Variants in RPTOR observed in about 807,000 individuals in gnomAD.
The protein encoded by RPTOR is regulatory-associated protein of mTOR.
A neutral mutation model predicts 169.9 loss-of-function variants in RPTOR; 21 were observed. The observed-to-expected ratio is 0.12, with a 90% confidence interval of 0.09 to 0.18. The LOEUF is 0.18. RPTOR is among the 10% of genes least tolerant of loss of function. The probability of loss-of-function intolerance (pLI) is 1.00; values close to 1 mark genes in which losing one functional copy is unlikely to be tolerated. For missense variants in RPTOR, 1,133 were observed against 1,855.9 expected, an observed-to-expected ratio of 0.61 and a Z score of 7.16; for synonymous variants, 732 against 753.2, an observed-to-expected ratio of 0.97 and a Z score of 0.46.
At position 80,837,985 on chromosome 17, in the gene RPTOR, C is replaced by T. The variant is rs1443680611; in HGVS notation, c.1200C>T (p.Gly400=). 2 of 1,609,682 alleles carry T rather than the reference C, an allele frequency of 1.2e-6. No homozygotes were observed. The highest frequency in any genetic ancestry group is 1.7e-6 in the Non-Finnish European group (2 of 1,177,994). Reference sequence around the variant, plus strand: ...AGCTGCCGACGATCATCGAGGAAGGCACTGCGTTTCGGGTGAGTCCCTCCA... The same window carrying T: ...AGCTGCCGACGATCATCGAGGAAGGTACTGCGTTTCGGGTGAGTCCCTCCA... ...LSQLPTIIEE[G]TAFRHSPFFA... is the part of the protein sequence containing the mutation. The change falls in exon 10 of 34, where the codon GGC becomes GGT. Residue 400 remains glycine, a synonymous_variant. Coordinates refer to ENST00000306801, the MANE Select transcript of RPTOR (RefSeq NM_020761.3).
chr17:80,610,912 T>G (rs2065265726), intron 1 of RPTOR, among the ~76,000 whole-genome samples: 2 of 152,234 alleles, frequency 1.3e-5, no homozygotes, highest in African/African-American at 4.8e-5. Context: ...CTTTTCCAAC[T>G]GAATTTTCGA....
intron 13 of RPTOR, among the ~76,000 whole-genome samples, chr17:80,874,834 C>G (rs928252338): frequency 6.6e-6 from 1 of 152,174 alleles, no homozygotes; most frequent in Non-Finnish European, 1.5e-5. Flanking sequence ...AAGGCTCACT[C>G]AGGAGCTGTG....
At chr17:80,868,063 G>T (rs1419757953) in intron 13 of RPTOR, among the ~76,000 whole-genome samples, 3 of 152,180 alleles carry the variant, frequency 2.0e-5, no homozygotes, top group Admixed American at 6.6e-5. Flanking sequence ...TGGACAAACA[G>T]ATAATGGAAC....
chr17:80,919,241 G>T (rs2068716142), intron 21 of RPTOR, among the ~76,000 whole-genome samples: 1 of 152,190 alleles, frequency 6.6e-6, no homozygotes. Flanking sequence ...GCAGGAAAAT[G>T]ACTTGAAGAA....
At chr17:80,802,282 T>G (rs936121388) in intron 7 of RPTOR, 3 of 152,340 alleles carry the variant, frequency 2.0e-5, no homozygotes, top group Non-Finnish European at 2.9e-5. Flanking sequence ...CTCACGGCTC[T>G]GCACCTCCCA....
intron 11 of RPTOR, among the ~76,000 whole-genome samples, chr17:80,853,202 G>A (rs2063787): frequency 0.11 from 16,199 of 152,036 alleles, 909 homozygotes; most frequent in Middle Eastern, 0.13. Flanking sequence ...GCATGCCGTC[G>A]GCGGGGCCTT....
intron 4 of RPTOR, among the ~76,000 whole-genome samples, chr17:80,725,865 A>G (rs776689019): frequency 2.6e-5 from 4 of 152,210 alleles, no homozygotes; most frequent in Non-Finnish European, 5.9e-5. Context: ...ACTGTAATGT[A>G]TACAGCTCAT....
chr17:80,559,522 G>T (rs375654292), intron 1 of RPTOR, among the ~76,000 whole-genome samples: 6 of 152,206 alleles, frequency 3.9e-5, no homozygotes, highest in Non-Finnish European at 8.8e-5. Flanking sequence ...AGCCACGAAC[G>T]TGTGCATTTA....
chr17:80,685,449 C>T (rs1201964593), intron 3 of RPTOR, among the ~76,000 whole-genome samples: 1 of 136,486 alleles, frequency 7.3e-6, no homozygotes, highest in African/African-American at 3.2e-5. Flanking sequence ...CTAATTAAAA[C>T]ATTTTTTTTT....
chr17:80,696,769 C>A (rs571453818), intron 3 of RPTOR, among the ~76,000 whole-genome samples: 1 of 152,330 alleles, frequency 6.6e-6, no homozygotes, highest in Non-Finnish European at 1.5e-5. Context: ...GCCAGCCCCC[C>A]CAAGCACCAA....
At chr17:80,743,319 C>T (rs1476527704) in intron 5 of RPTOR, 1 of 985,548 alleles carries the variant, frequency 1.0e-6, no homozygotes, top group Non-Finnish European at 1.2e-6. Flanking sequence ...GGGCAGGGCG[C>T]TCTTGCAGGT....
In RPTOR at chr17:80,860,900, G is replaced by A. The variant is rs1288825777; in HGVS notation, c.1509+3000G>A. On this transcript the variant is annotated intron_variant, in intron 13 of 33. Transcript: ENST00000306801. The surrounding 1 kb of genome is among the most constrained non-coding windows in gnomAD (Gnocchi z 5.8). ...CTCTCCCAGCTGCTCCTGATTTCCTGAGCTGGATGCGGGGAGCTGCTGCTC... is the reference window on the plus strand; with the variant it reads ...CTCTCCCAGCTGCTCCTGATTTCCTAAGCTGGATGCGGGGAGCTGCTGCTC... Among the ~76,000 whole-genome samples, 2 of 145,352 alleles carry A rather than the reference G, an allele frequency of 1.4e-5. No homozygotes were observed. Among genetic ancestry groups the A allele is most frequent in the Admixed American group, 1.4e-4 (2 of 14,678 alleles).
Position 80,633,588 on chromosome 17 carries a change from G to A in RPTOR, c.265+7795G>A, listed in dbSNP as rs947235980. 2.6e-5 allele frequency among the ~76,000 whole-genome samples: 4 copies of A among 152,244 alleles called. No individual in the cohort carries two copies. Among genetic ancestry groups the A allele is most frequent in the African/African-American group, 7.2e-5 (3 of 41,456 alleles). On this transcript the variant is annotated intron_variant, in intron 2 of 33. Transcript: ENST00000306801. This position sits in a 1 kb window ranked among gnomAD's most constrained non-coding sequence, Gnocchi z 4.1. Reference sequence around the variant, plus strand: ...TCACGCGGGCTGCACCAGGTGATGCGGGGCTGTGATCTATCCATTACTGGT... The same window carrying A: ...TCACGCGGGCTGCACCAGGTGATGCAGGGCTGTGATCTATCCATTACTGGT...
At chr17:80,628,437 C>T (rs1026054451) in intron 2 of RPTOR, among the ~76,000 whole-genome samples, 1 of 152,128 alleles carries the variant, frequency 6.6e-6, no homozygotes, top group Non-Finnish European at 1.5e-5. Flanking sequence ...TTTCTGTTGA[C>T]TCTTTTAGCA....
intron 6 of RPTOR, among the ~76,000 whole-genome samples, chr17:80,789,805 C>G (rs2067029180): frequency 6.6e-6 from 1 of 152,190 alleles, no homozygotes; most frequent in Non-Finnish European, 1.5e-5. Flanking sequence ...TGCCTTCCTG[C>G]CTGCATTTGT....
At chr17:80,740,567 A>G (rs2066473197) in intron 5 of RPTOR, among the ~76,000 whole-genome samples, 2 of 152,262 alleles carry the variant, frequency 1.3e-5, no homozygotes, top group Non-Finnish European at 2.9e-5. Flanking sequence ...AAAAGGAATT[A>G]TACGCTGTGA....
chr17:80,765,688 G>A (rs574683244), intron 6 of RPTOR, among the ~76,000 whole-genome samples: 14 of 152,246 alleles, frequency 9.2e-5, no homozygotes, highest in African/African-American at 2.9e-4. Flanking sequence ...CCTGCCCAGC[G>A]TCTCTCATTT....
rs565627344 is a variant in RPTOR, at chr17:80,959,141, C to T, written c.3478-937C>T. 6.6e-6 allele frequency among the ~76,000 whole-genome samples: 1 copy of T among 152,270 alleles called. No individual in the cohort carries two copies. The highest frequency in any genetic ancestry group is 2.4e-5 in the African/African-American group (1 of 41,480). Reference sequence around the variant, plus strand: ...AGCAGCCCGAGAACCTGGCCCAGGCCTTCCCGTGTGGGCAGCCTCCCCTCT... The same window carrying T: ...AGCAGCCCGAGAACCTGGCCCAGGCTTTCCCGTGTGGGCAGCCTCCCCTCT... On this transcript the variant is annotated intron_variant, in intron 29 of 33. Transcript: ENST00000306801. This position sits in a 1 kb window ranked among gnomAD's most constrained non-coding sequence, Gnocchi z 6.7.
chr17:80,794,308 T>G (rs911727423), intron 7 of RPTOR, among the ~76,000 whole-genome samples: 3 of 151,982 alleles, frequency 2.0e-5, no homozygotes, highest in Non-Finnish European at 4.4e-5. Flanking sequence ...CCAAAGAGGA[T>G]TTAGGGATGG....
Sources: gnomAD v4.1 joint callset for allele counts (sites outside exome capture counted in the v4.1 genomes callset) on GRCh38, gnomAD v4.1.1 for gene constraint, Gnocchi (gnomAD v3.1) non-coding constraint, MANE v1.5 for transcripts, NCBI Gene and HGNC (gene_info 2026-07-23, HGNC 2026-07-21) for gene names.